The following UBE2E2 variants were observed in gnomAD, a reference collection of about 807,000 sequenced individuals.
UBE2E2 encodes ubiquitin-conjugating enzyme E2 E2.
UBE2E2 carries 6 observed loss-of-function variants against 24.7 expected under a neutral mutation model. The ratio of observed to expected loss-of-function variants is 0.24; its 90% CI spans 0.13 to 0.48. UBE2E2 has a LOEUF of 0.48. UBE2E2 is among the 20% of genes least tolerant of loss of function. The pLI is 0.99. For missense variants in UBE2E2, 169 were observed against 245.0 expected (o/e 0.69, Z 2.07); for synonymous variants, 104 against 83.6 (o/e 1.24, Z -1.33).
chr3:23,479,429 C>T (rs185276587), intron 3 of UBE2E2, among the ~76,000 whole-genome samples: 503 of 152,244 alleles, frequency 3.3e-3, no homozygotes, highest in Middle Eastern at 0.01. Flanking sequence ...AACAGCAGAG[C>T]CTCAAAAAGG....
rs552835380 is a variant in UBE2E2 at position 23,590,001 on chromosome 3, C to G, written c.*170C>G. 2 of 557,564 alleles carry G rather than the reference C, an allele frequency of 3.6e-6. No individual in the cohort carries two copies. Among genetic ancestry groups the G allele is most frequent in the Admixed American group, 6.1e-5 (2 of 32,954 alleles). 34.5% of individuals were successfully genotyped at this position (557,564 alleles called of 1,614,324 possible). ...CTTCCCATCCCAGTTCTTCCTGCCC[C>G]CCTTCCTCTCTCCCACGCTCTCTTT... On this transcript the variant is annotated 3_prime_UTR_variant, in exon 6 of 6. Coordinates refer to ENST00000396703, the MANE Select transcript of UBE2E2 (RefSeq NM_152653.4).
At chr3:23,284,784 A>T (rs1575531371) in intron 3 of UBE2E2, among the ~76,000 whole-genome samples, 1 of 151,716 alleles carries the variant, frequency 6.6e-6, no homozygotes, top group East Asian at 1.9e-4. Context: ...ATCAGAGTAA[A>T]TGTGGTATCC....
chr3:23,544,427 C>T (rs1235187703), intron 5 of UBE2E2, among the ~76,000 whole-genome samples: 6 of 152,140 alleles, frequency 3.9e-5, no homozygotes, highest in East Asian at 3.8e-4. Flanking sequence ...GATATACAAA[C>T]GGCCAAGAAA....
intron 3 of UBE2E2, among the ~76,000 whole-genome samples, chr3:23,251,172 G>A (rs1211868031): frequency 6.6e-6 from 1 of 152,140 alleles, no homozygotes; most frequent in Non-Finnish European, 1.5e-5. Flanking sequence ...CATCGTGTGT[G>A]TATCAGCTTC....
intron 3 of UBE2E2, among the ~76,000 whole-genome samples, chr3:23,283,749 T>A (rs1698540345): frequency 6.6e-6 from 1 of 152,096 alleles, no homozygotes; most frequent in Non-Finnish European, 1.5e-5. Flanking sequence ...CAAGACCCTG[T>A]CTCAAAACAA....
At chr3:23,366,250 T>C (rs1171504585) in intron 3 of UBE2E2, among the ~76,000 whole-genome samples, 1 of 152,218 alleles carries the variant, frequency 6.6e-6, no homozygotes, top group Non-Finnish European at 1.5e-5. Flanking sequence ...GAAAGTAGTG[T>C]GGCAATTTCT....
At chr3:23,271,951 G>A (rs1308018742) in intron 3 of UBE2E2, among the ~76,000 whole-genome samples, 1 of 152,218 alleles carries the variant, frequency 6.6e-6, no homozygotes, top group Non-Finnish European at 1.5e-5. Flanking sequence ...CCTGACTCAG[G>A]AGCCCAGCTG....
intron 3 of UBE2E2, among the ~76,000 whole-genome samples, chr3:23,417,433 G>C (rs1339816644): frequency 6.6e-6 from 1 of 152,190 alleles, no homozygotes; most frequent in African/African-American, 2.4e-5. Context: ...CTTCATCCCA[G>C]AGGGGCACCT....
At chr3:23,447,553 A>T (rs943149986) in intron 3 of UBE2E2, among the ~76,000 whole-genome samples, 8 of 152,188 alleles carry the variant, frequency 5.3e-5, no homozygotes, top group Admixed American at 4.6e-4. Context: ...AATGCTCTTG[A>T]TGGCACAAAG....
intron 3 of UBE2E2, among the ~76,000 whole-genome samples, chr3:23,405,926 G>A (rs1697345100): frequency 6.6e-6 from 1 of 152,176 alleles, no homozygotes; most frequent in Admixed American, 6.5e-5. Context: ...TGGTCACTAA[G>A]AAGAATTGAC....
intron 3 of UBE2E2, among the ~76,000 whole-genome samples, chr3:23,295,582 T>C (rs111590863): frequency 1.3e-5 from 2 of 152,334 alleles, no homozygotes; most frequent in African/African-American, 2.4e-5. Flanking sequence ...AAGAGAAGTA[T>C]GGGAAGTCCA....
intron 3 of UBE2E2, among the ~76,000 whole-genome samples, chr3:23,248,408 G>A (rs986827444): frequency 1.3e-5 from 2 of 152,218 alleles, no homozygotes; most frequent in African/African-American, 4.8e-5. Flanking sequence ...AGGCGATCAG[G>A]TGGAATTTTT....
intron 3 of UBE2E2, among the ~76,000 whole-genome samples, chr3:23,379,017 G>A (rs890815536): frequency 2.6e-5 from 4 of 152,128 alleles, no homozygotes; most frequent in African/African-American, 4.8e-5. Flanking sequence ...CTCAGTGACT[G>A]AAGTATTTTC....
chr3:23,559,446 T>C (rs1326918524), intron 5 of UBE2E2, among the ~76,000 whole-genome samples: 1 of 152,164 alleles, frequency 6.6e-6, no homozygotes, highest in Non-Finnish European at 1.5e-5. Context: ...ATACTAGAGA[T>C]TTGAACTTCG....
At chr3:23,205,077 C>A (rs1696111368) in intron 1 of UBE2E2, among the ~76,000 whole-genome samples, 1 of 152,124 alleles carries the variant, frequency 6.6e-6, no homozygotes, top group Non-Finnish European at 1.5e-5. Flanking sequence ...GTAATTACAA[C>A]ATAGGGTACA....
intron 3 of UBE2E2, among the ~76,000 whole-genome samples, chr3:23,410,619 T>C (rs778471): frequency 0.69 from 105,640 of 152,052 alleles, 38,074 homozygotes; most frequent in African/African-American, 0.89. Context: ...AATAACCCTG[T>C]GAAATTAGAA....
chr3:23,464,413 A>G (rs989372239), intron 3 of UBE2E2, among the ~76,000 whole-genome samples: 4 of 152,164 alleles, frequency 2.6e-5, no homozygotes, highest in Non-Finnish European at 5.9e-5. Flanking sequence ...CATAATATCA[A>G]CCATTGACAT....
At chr3:23,382,157 T>C (rs1287266272) in intron 3 of UBE2E2, among the ~76,000 whole-genome samples, 1 of 151,672 alleles carries the variant, frequency 6.6e-6, no homozygotes. Context: ...TACACTACTC[T>C]TCATAATTAC....
At chr3:23,530,723 G>A (rs186777052) in intron 4 of UBE2E2, among the ~76,000 whole-genome samples, 75 of 152,230 alleles carry the variant, frequency 4.9e-4, no homozygotes, top group African/African-American at 1.6e-3. Flanking sequence ...CTAGCCATTC[G>A]AGTTTCCTAA....
Sources: allele counts gnomAD v4.1 joint callset (sites outside exome capture counted in the v4.1 genomes callset), GRCh38; gene constraint gnomAD v4.1.1; transcripts MANE v1.5; gene names NCBI Gene and HGNC (gene_info 2026-07-23, HGNC 2026-07-21).